Variants in CFAP46 observed in about 807,000 individuals in gnomAD.
CFAP46 encodes cilia- and flagella-associated protein 46.
In CFAP46, 245 loss-of-function variants were observed where a neutral mutation model predicts 325.7. The ratio of observed to expected loss-of-function variants is 0.75; its 90% confidence interval spans 0.68 to 0.84. The LOEUF (loss-of-function observed/expected upper bound fraction) is 0.84. Among genes scored for constraint, CFAP46 ranks in the 40% least tolerant of loss-of-function variants. CFAP46 has a pLI of 0.00. For missense variants in CFAP46, 3,346 were observed against 3,543.0 expected (o/e 0.94, Z 1.41); for synonymous variants, 1,523 against 1,495.9 (o/e 1.02, Z -0.42).
chr10:132,913,816 GTC>G (rs71013582), intron 17 of CFAP46, among the ~76,000 whole-genome samples: 80,120 of 150,096 alleles, frequency 0.53, 23,015 homozygotes, highest in African/African-American at 0.75. Context: ...GGGGCAGAGC[GTC>G]TCTGCCCCAC....
chr10:132,928,683 C>T (rs1432023045), intron 9 of CFAP46, among the ~76,000 whole-genome samples: 1 of 152,192 alleles, frequency 6.6e-6, no homozygotes, highest in Non-Finnish European at 1.5e-5. Context: ...CAGGGAGGCC[C>T]CAGCATGTGG....
chr10:132,877,941 C>T lies in CFAP46; in HGVS notation c.4152G>A (p.Glu1384=), dbSNP rs1050701967. The change falls in exon 30 of 58, where the codon GAG becomes GAA. Residue 1384 remains glutamate (E), a synonymous_variant. Coordinates refer to ENST00000368586, the MANE Select transcript of CFAP46 (RefSeq NM_001200049.3). This position sits in a 1 kb window ranked among gnomAD's most constrained non-coding sequence, Gnocchi z 5.7. The part of the protein sequence containing the change: ...EKERSKEKEN[E]RSKEKDKEKG... ...TCTCCTTGTCCTTCTCTTTACTCCTCTCATTCTCCTTCTCTTTACTCCTCT... is the reference window on the plus strand; with the variant it reads ...TCTCCTTGTCCTTCTCTTTACTCCTTTCATTCTCCTTCTCTTTACTCCTCT... 2 of 1,550,204 alleles carry T rather than the reference C, an allele frequency of 1.3e-6. No individual in the cohort carries two copies. The highest frequency in any genetic ancestry group is 1.7e-6 in the Non-Finnish European group (2 of 1,146,732).
At chr10:132,861,305 T>C (rs1848717919) in intron 35 of CFAP46, among the ~76,000 whole-genome samples, 1 of 152,182 alleles carries the variant, frequency 6.6e-6, no homozygotes, top group African/African-American at 2.4e-5. Context: ...TCTCATTCCA[T>C]TTAATTATAT....
chr10:132,925,331 A>G (rs749065667), intron 10 of CFAP46, among the ~76,000 whole-genome samples: 31 of 152,196 alleles, frequency 2.0e-4, no homozygotes, highest in Non-Finnish European at 1.2e-4. Context: ...TGGACCGCCC[A>G]CCGTCCTGGG....
rs1849086706 is a variant in CFAP46 at position 132,884,123 on chromosome 10, T to G, written c.3627+980A>C. On this transcript the variant is annotated intron_variant, in intron 27 of 57. Coordinates refer to ENST00000368586, the MANE Select transcript of CFAP46 (RefSeq NM_001200049.3). The surrounding 1 kb of genome is among the most constrained non-coding windows in gnomAD (Gnocchi z 5.4). ...CTGCCTTCCCCAGCCGCCCGCAGCC[T>G]CCCCTCCTCAGGCCCTTCCTGCTTT... Among the ~76,000 whole-genome samples, 1 of 152,144 alleles carries G rather than the reference T, an allele frequency of 6.6e-6. No individual in the cohort carries two copies. The highest frequency in any genetic ancestry group is 2.1e-4 in the South Asian group (1 of 4,826).
At chr10:132,928,029 C>T (rs1016527925) in intron 9 of CFAP46, among the ~76,000 whole-genome samples, 5 of 152,228 alleles carry the variant, frequency 3.3e-5, no homozygotes, top group African/African-American at 1.2e-4. Context: ...GGCAGAGGAA[C>T]ATGCTGTGCA....
intron 4 of CFAP46, 28 bp from the exon 5 acceptor site, chr10:132,938,781 G>C: frequency 6.2e-7 from 1 of 1,601,378 alleles, no homozygotes; most frequent in Admixed American, 1.7e-5. Flanking sequence ...GAAGCAGAGA[G>C]CACGCTCAAA....
intron 1 of CFAP46, among the ~76,000 whole-genome samples, 157 bp downstream of exon 1, chr10:132,942,279 G>A (rs544367330): frequency 3.3e-5 from 5 of 152,202 alleles, no homozygotes; most frequent in Non-Finnish European, 7.3e-5. Context: ...CGTTTGCTCT[G>A]GTCAGACGAT....
chr10:132,880,829 G>T (rs756216087), intron 28 of CFAP46, 32 bp downstream of exon 28: 1 of 1,534,490 alleles, frequency 6.5e-7, no homozygotes, highest in South Asian at 1.2e-5. Context: ...GAGCGGCGTG[G>T]GGTCGGCACC....
intron 25 of CFAP46, among the ~76,000 whole-genome samples, chr10:132,888,764 G>A (rs200077231): frequency 1.5e-5 from 1 of 64,762 alleles, no homozygotes; most frequent in Admixed American, 1.5e-4. Flanking sequence ...CACCCCTGCC[G>A]CCTGCACCTG....
Position 132,924,803 on chromosome 10 carries a change from C to T in CFAP46, c.1149G>A (p.Val383=), listed in dbSNP as rs2135637140. The T allele has an allele frequency of 6.7e-7, 1 of 1,503,254 alleles. No homozygotes were observed. Among genetic ancestry groups the T allele is most frequent in the Non-Finnish European group, 8.9e-7 (1 of 1,124,670 alleles). The allele number at this position is 1,503,254 out of a possible 1,614,324, so 93.1% of individuals were successfully genotyped here. Residue 383 remains valine, a synonymous_variant, in exon 11 of 58, where the codon GTG becomes GTA. Transcript: ENST00000368586. ...GGCAGGTGTTCCACTGCGTGGCGCA[C>T]ACCACGTGGATGACCCGGGGGTCGC... ...RLGDPRVIHV[V]CATQWNTCLP... is the part of the protein sequence containing the mutation.
chr10:132,827,062 G>A lies in CFAP46; in HGVS notation c.7117+6296C>T, dbSNP rs940590103. On this transcript the variant is annotated intron_variant, in intron 50 of 57. Transcript: ENST00000368586. This position sits in a 1 kb window ranked among gnomAD's most constrained non-coding sequence, Gnocchi z 5.7. ...TTTCCGACACCTCCATGAGCCTCGT[G>A]TCTGTGCCAACCGACTCCAGCTCCG... Among the ~76,000 whole-genome samples, 1 of 152,130 alleles carries A rather than the reference G, an allele frequency of 6.6e-6. No homozygotes were observed. The highest frequency in any genetic ancestry group is 1.5e-5 in the Non-Finnish European group (1 of 68,040).
chr10:132,812,830 G>A lies in CFAP46; in HGVS notation c.7456C>T (p.Leu2486=), dbSNP rs1591027651. Residue 2486 remains leucine (L), a synonymous_variant, in exon 55 of 58, where the codon CTG becomes TTG. Transcript: ENST00000368586. The part of the protein sequence containing the change: ...GFFFYGMESF[L]SHILVERLVA... ...AATCTCTCCACTAATATATGGGACA[G>A]GAAGCTCTCCATTCCATAGAAGAAG... is the stretch of plus-strand genomic sequence containing the variant. 3 of 1,612,218 alleles carry A rather than the reference G, an allele frequency of 1.9e-6. No individual in the cohort carries two copies. The highest frequency in any genetic ancestry group is 1.3e-5 in the African/African-American group (1 of 74,894).
At chr10:132,870,746 C>A (rs1281422175) in intron 32 of CFAP46, among the ~76,000 whole-genome samples, 1 of 152,206 alleles carries the variant, frequency 6.6e-6, no homozygotes, top group Non-Finnish European at 1.5e-5. Flanking sequence ...TGGACAGAAG[C>A]TGTCTCTGTC....
chr10:132,935,127 A>G (rs1849972119), intron 7 of CFAP46, among the ~76,000 whole-genome samples: 1 of 152,052 alleles, frequency 6.6e-6, no homozygotes, highest in Non-Finnish European at 1.5e-5. Context: ...AGCACCCCAC[A>G]TAGGAGCCAA....
intron 50 of CFAP46, among the ~76,000 whole-genome samples, chr10:132,822,683 TGTGCTGATGTGTGCTGTGTGA>T (rs1847893445): frequency 7.2e-6 from 1 of 138,048 alleles, no homozygotes; most frequent in African/African-American, 2.8e-5. Context: ...GTGTGCTGTG[TGTGCTGATGTGTGCTGTGTGA>T]GTGCTGATGT....
In CFAP46 at chr10:132,814,210, A is replaced by G; in HGVS notation, c.7330T>C (p.Phe2444Leu). The G allele has an allele frequency of 6.2e-7, 1 of 1,613,978 alleles. No individual in the cohort carries two copies. Among genetic ancestry groups the G allele is most frequent in the Non-Finnish European group, 8.5e-7 (1 of 1,180,000 alleles). The change falls in exon 54 of 58, where the codon TTC (phenylalanine) becomes CTC (leucine). Residue 2444 changes from phenylalanine (F) to leucine (L), a missense_variant. Phe to Leu is a conservative substitution (Grantham distance 22). Transcript: ENST00000368586. ...CATCGCGACGTGAATGTGTCTTGGA[A>G]TCTTTCCAAAATGTCTTGGGTGATG... ...VSITQDILER[F>L]QDTFTSRWAG...
At chr10:132,822,989 CTGTG>C (rs1247095593) in intron 50 of CFAP46, among the ~76,000 whole-genome samples, 3 of 112,330 alleles carry the variant, frequency 2.7e-5, no homozygotes, top group Non-Finnish European at 3.4e-5. Flanking sequence ...GTGATGTGTG[CTGTG>C]TGTGTGCTGA....
chr10:132,845,938 C>T (rs1848426956), intron 44 of CFAP46, 119 bp downstream of exon 44: 2 of 1,145,566 alleles, frequency 1.7e-6, no homozygotes, highest in East Asian at 2.6e-5. Flanking sequence ...GGAGGGATGG[C>T]TCATGAGCTG....
Sources: allele counts gnomAD v4.1 joint callset (sites outside exome capture counted in the v4.1 genomes callset), GRCh38; gene constraint gnomAD v4.1.1; non-coding constraint Gnocchi (gnomAD v3.1); transcripts MANE v1.5; gene names NCBI Gene and HGNC (gene_info 2026-07-23, HGNC 2026-07-21).